Variants in ROBO2 observed in about 807,000 individuals in gnomAD.
ROBO2 encodes the protein roundabout homolog 2.
A neutral mutation model predicts 160.8 loss-of-function variants in ROBO2; 53 were observed. The ratio of observed to expected loss-of-function variants is 0.33; its 90% confidence interval spans 0.26 to 0.41. The LOEUF is 0.41. Among genes scored for constraint, ROBO2 ranks in the 10% least tolerant of loss-of-function variants. The pLI is 1.00. For synonymous variants in ROBO2, 664 were observed against 611.7 expected, an observed-to-expected ratio of 1.09 and a Z score of -1.26; for missense variants, 1,577 against 1,722.4, an observed-to-expected ratio of 0.92 and a Z score of 1.49.
intron 2 of ROBO2, among the ~76,000 whole-genome samples, chr3:76,590,867 G>A (rs2108822673): frequency 6.6e-6 from 1 of 152,206 alleles, no homozygotes; most frequent in Non-Finnish European, 1.5e-5. Flanking sequence ...ATGTGATTAA[G>A]TATGTGGTAT....
chr3:77,214,488 C>G (rs536685014), intron 2 of ROBO2, among the ~76,000 whole-genome samples: 85 of 152,208 alleles, frequency 5.6e-4, no homozygotes, highest in African/African-American at 1.8e-3. Flanking sequence ...CACATGAGAT[C>G]AGTTTCCTGA....
At chr3:76,682,844 G>T (rs1278667718) in intron 2 of ROBO2, among the ~76,000 whole-genome samples, 1 of 152,154 alleles carries the variant, frequency 6.6e-6, no homozygotes, top group Non-Finnish European at 1.5e-5. Flanking sequence ...CACGTGTTAG[G>T]TTGAAGATAT....
intron 2 of ROBO2, among the ~76,000 whole-genome samples, chr3:76,501,075 G>C (rs944001679): frequency 6.6e-6 from 1 of 151,972 alleles, no homozygotes; most frequent in Non-Finnish European, 1.5e-5. Context: ...ATGCCAAAAG[G>C]CTATTATTGC....
intron 2 of ROBO2, among the ~76,000 whole-genome samples, chr3:76,148,546 C>G (rs939505299): frequency 1.3e-5 from 2 of 152,016 alleles, no homozygotes; most frequent in Non-Finnish European, 2.9e-5. Flanking sequence ...ATCCAAAATG[C>G]TTTCTGGGCC....
chr3:76,434,594 T>C (rs997743728), intron 2 of ROBO2: 25 of 1,574,048 alleles, frequency 1.6e-5, no homozygotes, highest in Non-Finnish European at 2.6e-6. Flanking sequence ...CATTAAGGAG[T>C]TCCATACCAC....
chr3:77,639,275 G>T (rs1008146717), intron 24 of ROBO2, among the ~76,000 whole-genome samples: 2 of 152,024 alleles, frequency 1.3e-5, no homozygotes, highest in African/African-American at 4.8e-5. Context: ...ACATATAATA[G>T]ACAATGGGAG....
chr3:76,637,253 C>A (rs2090392593), intron 2 of ROBO2, among the ~76,000 whole-genome samples: 1 of 152,020 alleles, frequency 6.6e-6, no homozygotes, highest in African/African-American at 2.4e-5. Flanking sequence ...TAGCAAGAGA[C>A]AAACCCTGGA....
At chr3:77,352,506 T>C (rs2068495423) in intron 2 of ROBO2, among the ~76,000 whole-genome samples, 1 of 152,094 alleles carries the variant, frequency 6.6e-6, no homozygotes, top group Non-Finnish European at 1.5e-5. Context: ...GACATCCTGA[T>C]GGGAGAATTG....
In ROBO2 at chr3:76,555,311, G is replaced by A. The variant is rs1206491576; in HGVS notation, c.110-542703G>A. Among the ~76,000 whole-genome samples, 15 of 148,834 alleles carry A rather than the reference G, an allele frequency of 1.0e-4. No homozygotes were observed. In the Admixed American group the frequency reaches 1.0e-3, roughly 10 times the overall value. On this transcript the variant is annotated intron_variant, in intron 2 of 26. Transcript: ENST00000487694. Reference sequence around the variant, plus strand: ...AAAAGATTCATGAAGAGGTACCCAGGAGCATGTCAAAAAAGAAGAAGAGGA... The same window carrying A: ...AAAAGATTCATGAAGAGGTACCCAGAAGCATGTCAAAAAAGAAGAAGAGGA...
chr3:76,465,805 A>T (rs1208018896), intron 2 of ROBO2, among the ~76,000 whole-genome samples: 1 of 152,054 alleles, frequency 6.6e-6, no homozygotes, highest in African/African-American at 2.4e-5. Context: ...TTCAAATATT[A>T]TGAAGACCAC....
chr3:76,447,233 A>C (rs1240108969), intron 2 of ROBO2, among the ~76,000 whole-genome samples: 1 of 152,224 alleles, frequency 6.6e-6, no homozygotes, highest in Admixed American at 6.5e-5. Flanking sequence ...CGGGTGAAGG[A>C]TATGAACAGA....
chr3:76,917,787 A>T (rs74787346), intron 2 of ROBO2, among the ~76,000 whole-genome samples: 6 of 102,162 alleles, frequency 5.9e-5, no homozygotes, highest in African/African-American at 2.1e-4. Context: ...GTTTTATTCT[A>T]AAAAAAAATG....
chr3:76,435,056 C>A, intron 2 of ROBO2: 1 of 1,157,854 alleles, frequency 8.6e-7, no homozygotes, highest in Non-Finnish European at 1.3e-6. Context: ...AAATGGCTTA[C>A]ATATACAAGT....
chr3:76,152,656 G>A (rs2072255829), intron 2 of ROBO2, among the ~76,000 whole-genome samples: 1 of 152,024 alleles, frequency 6.6e-6, no homozygotes, highest in South Asian at 2.1e-4. Flanking sequence ...AGCCCCCAGT[G>A]AATTCTTACA....
chr3:77,270,947 A>T (rs199568132), intron 2 of ROBO2, among the ~76,000 whole-genome samples: 71,066 of 116,710 alleles, frequency 0.61, 17,803 homozygotes, highest in Middle Eastern at 0.68. Flanking sequence ...TGTCTTTTTA[A>T]AAAAAAAAAA....
intron 2 of ROBO2, among the ~76,000 whole-genome samples, chr3:77,313,581 G>GT (rs1246801613): frequency 1.3e-5 from 2 of 151,856 alleles, no homozygotes; most frequent in Non-Finnish European, 2.9e-5. Flanking sequence ...TTTGTTTTGT[G>GT]TTTTTTGGTT....
At chr3:77,429,635 A>T (rs2153540403) in intron 2 of ROBO2, among the ~76,000 whole-genome samples, 1 of 148,922 alleles carries the variant, frequency 6.7e-6, no homozygotes, top group South Asian at 2.1e-4. Flanking sequence ...TTTTAAATGC[A>T]CTCAGTATTT....
chr3:76,541,396 A>T (rs2082807461), intron 2 of ROBO2, among the ~76,000 whole-genome samples: 1 of 152,216 alleles, frequency 6.6e-6, no homozygotes, highest in Non-Finnish European at 1.5e-5. Context: ...CTTGATTCCC[A>T]TGCCAGTTTT....
chr3:76,528,444 C>T lies in ROBO2; in HGVS notation c.110-569570C>T, dbSNP rs373170424. Among the ~76,000 whole-genome samples the T allele has an allele frequency of 4.0e-4, 61 of 151,986 alleles. 2 individuals carry two copies. Among genetic ancestry groups the T allele is most frequent in the South Asian group, 2.7e-3 (13 of 4,816 alleles). Reference sequence around the variant, plus strand: ...GAATATATATAATAGACCCTCCTGACGATTAAATGTGATGTCTGAGAGAAA... The same window carrying T: ...GAATATATATAATAGACCCTCCTGATGATTAAATGTGATGTCTGAGAGAAA... On this transcript the variant is annotated intron_variant, in intron 2 of 26. Transcript: ENST00000487694.
Sources: gnomAD v4.1 joint callset for allele counts (sites outside exome capture counted in the v4.1 genomes callset) on GRCh38, gnomAD v4.1.1 for gene constraint, MANE v1.5 for transcripts, NCBI Gene and HGNC (gene_info 2026-07-23, HGNC 2026-07-21) for gene names.